Variants in GPATCH2L observed in about 807,000 individuals in gnomAD.
GPATCH2L encodes G-patch domain containing 2 like, also known as G patch domain-containing protein 2-like.
A neutral mutation model predicts 57.4 loss-of-function variants in GPATCH2L; 31 were observed. The observed-to-expected ratio is 0.54, with a 90% CI of 0.41 to 0.73. GPATCH2L has a LOEUF of 0.73. Among genes scored for constraint, GPATCH2L ranks in the 30% least tolerant of loss-of-function variants. The probability of loss-of-function intolerance (pLI) is 0.00; values close to 1 mark genes in which losing one functional copy is unlikely to be tolerated. For missense variants in GPATCH2L, 481 were observed against 599.9 expected (o/e 0.80, Z 2.07); for synonymous variants, 199 against 210.7 (o/e 0.94, Z 0.48).
chr14:76,214,943 G>A (rs1408422570), downstream of GPATCH2L, among the ~76,000 whole-genome samples: 4 of 151,834 alleles, frequency 2.6e-5, no homozygotes, highest in Non-Finnish European at 2.9e-5. Context: ...GGTATATTGC[G>A]TGATGCTGAG....
At chr14:76,197,756 G>A (rs1024284560) in intron 9 of GPATCH2L, among the ~76,000 whole-genome samples, 1 of 152,162 alleles carries the variant, frequency 6.6e-6, no homozygotes, top group African/African-American at 2.4e-5. Context: ...TCACGCTACG[G>A]CATACATCTG....
At chr14:76,226,505 T>A (rs2040537052) in intron 1 of GPATCH2L, among the ~76,000 whole-genome samples, 1 of 152,190 alleles carries the variant, frequency 6.6e-6, no homozygotes. Flanking sequence ...TATGTCTTTG[T>A]TTAGAGGATG....
At chr14:76,181,785 C>T (rs1271274378) in intron 8 of GPATCH2L, among the ~76,000 whole-genome samples, 1 of 152,110 alleles carries the variant, frequency 6.6e-6, no homozygotes, top group Non-Finnish European at 1.5e-5. Flanking sequence ...TAGGCTGGAC[C>T]CTAGAAGTTG....
In GPATCH2L at chr14:76,210,674, GTAT is replaced by G. The variant is rs1566824138; in HGVS notation, c.*8827_*8829del. On this transcript the variant is annotated 3_prime_UTR_variant, in exon 10 of 10. Coordinates refer to ENST00000261530, the MANE Select transcript of GPATCH2L (RefSeq NM_017926.4). ...CTTGCAAACCTGTGGCAATAAGAAG[GTAT>G]TATCCTTTCTGTACCAAGGCACAAC... 1 of 152,192 alleles carries G rather than the reference GTAT, an allele frequency of 6.6e-6. No homozygotes were observed. The highest frequency in any genetic ancestry group is 1.5e-5 in the Non-Finnish European group (1 of 68,038). The allele number at this position is 152,192 out of a possible 1,614,324, so 9.4% of individuals were successfully genotyped here.
chr14:76,155,241 G>A (rs561399628), intron 2 of GPATCH2L, among the ~76,000 whole-genome samples: 2 of 152,232 alleles, frequency 1.3e-5, no homozygotes, highest in East Asian at 1.9e-4. Context: ...AAACACAGTT[G>A]TTTCTAAAAA....
At chr14:76,229,893 C>T (rs1328952477) in exon 2 of GPATCH2L, 1 of 152,380 alleles carries the variant, frequency 6.6e-6, no homozygotes, top group Non-Finnish European at 1.5e-5. Context: ...CAGCTCTGGC[C>T]ACCCTTGCCT....
intron 4 of GPATCH2L, 119 bp downstream of exon 4, chr14:76,172,138 C>G (rs976017256): frequency 5.2e-6 from 3 of 571,986 alleles, no homozygotes; most frequent in Non-Finnish European, 8.7e-6. Flanking sequence ...AATTTTGGAG[C>G]TAGCTCAAGG....
intron 6 of GPATCH2L, among the ~76,000 whole-genome samples, chr14:76,177,464 C>T (rs567197828): frequency 6.6e-6 from 1 of 151,740 alleles, no homozygotes; most frequent in African/African-American, 2.4e-5. Flanking sequence ...ATGGTTGGTT[C>T]TTTCATATAT....
At chr14:76,181,846 T>A (rs898009189) in intron 8 of GPATCH2L, among the ~76,000 whole-genome samples, 3 of 152,032 alleles carry the variant, frequency 2.0e-5, no homozygotes, top group Non-Finnish European at 2.9e-5. Flanking sequence ...TGATGACTCT[T>A]TTTTATTCCT....
At position 76,154,923 on chromosome 14, in the gene GPATCH2L, C is replaced by T; in HGVS notation, c.560C>T (p.Ser187Leu). 1 of 1,614,112 alleles carries T rather than the reference C, an allele frequency of 6.2e-7. No homozygotes were observed. The highest frequency in any genetic ancestry group is 8.5e-7 in the Non-Finnish European group (1 of 1,179,986). The change falls in exon 2 of 10, where the codon TCA (serine) becomes TTA (leucine). Residue 187 changes from serine to leucine, a missense_variant. Physicochemically the swap from Ser to Leu is moderately radical, Grantham distance 145. Transcript: ENST00000261530. The surrounding 1 kb of genome is among the most constrained non-coding windows in gnomAD (Gnocchi z 4.4). ...TCATCAGGCCACGGATTGTGTGAATCAGCAGAAAATAGGACTTTCCTAAGC... is the reference window on the plus strand; with the variant it reads ...TCATCAGGCCACGGATTGTGTGAATTAGCAGAAAATAGGACTTTCCTAAGC... ...WTSSGHGLCESAENRTFLSKT... is the reference protein window; with the variant it reads ...WTSSGHGLCELAENRTFLSKT...
At chr14:76,217,478 C>A (rs1003683337), downstream of GPATCH2L, among the ~76,000 whole-genome samples, 1 of 151,846 alleles carries the variant, frequency 6.6e-6, no homozygotes, top group Non-Finnish European at 1.5e-5. Context: ...GAATGTAAAT[C>A]CACATGGCAA....
intron 6 of GPATCH2L, among the ~76,000 whole-genome samples, chr14:76,177,149 A>G (rs1461308761): frequency 6.6e-6 from 1 of 152,066 alleles, no homozygotes; most frequent in Non-Finnish European, 1.5e-5. Flanking sequence ...AGGCTCAAGC[A>G]ATCCTCCCAC....
At chr14:76,194,961 C>T (rs940898551) in intron 8 of GPATCH2L, among the ~76,000 whole-genome samples, 7 of 152,034 alleles carry the variant, frequency 4.6e-5, no homozygotes, top group African/African-American at 1.7e-4. Flanking sequence ...CTCAAGATCC[C>T]TGTTCTTAAT....
At chr14:76,223,771 A>G (rs931955672) in intron 1 of GPATCH2L, among the ~76,000 whole-genome samples, 1 of 152,190 alleles carries the variant, frequency 6.6e-6, no homozygotes, top group African/African-American at 2.4e-5. Flanking sequence ...AATGGGCAAA[A>G]AGACTCGAGT....
At chr14:76,177,892 T>A (rs1390610448) in intron 6 of GPATCH2L, 96 bp from the exon 7 acceptor site, 7 of 1,583,756 alleles carry the variant, frequency 4.4e-6, no homozygotes, top group Non-Finnish European at 6.1e-6. Context: ...CTCTCTTTAG[T>A]TTCTGGTTAC....
At chr14:76,153,015 T>G (rs1259371567) in intron 1 of GPATCH2L, 1 of 339,440 alleles carries the variant, frequency 2.9e-6, no homozygotes, top group East Asian at 7.8e-5. Context: ...AAGAACTTGG[T>G]CTTGTTTAAA....
intron 5 of GPATCH2L, chr14:76,175,764 CCA>C (rs2039295438): frequency 6.6e-6 from 1 of 152,190 alleles, no homozygotes; most frequent in Non-Finnish European, 1.5e-5. Context: ...TTAGCACGGT[CCA>C]CACACATAGA....
chr14:76,227,014 G>A (rs72729617), intron 1 of GPATCH2L, among the ~76,000 whole-genome samples: 2,960 of 152,282 alleles, frequency 0.019, 63 homozygotes, highest in South Asian at 0.077. Context: ...AGAGCTGAGC[G>A]GAGGGCATGT....
chr14:76,180,836 C>T lies in GPATCH2L; in HGVS notation c.1180C>T (p.His394Tyr). Residue 394 changes from histidine (H) to tyrosine (Y), a missense_variant, in exon 8 of 10, where the codon CAC (histidine) becomes TAC (tyrosine). Physicochemically the swap from His to Tyr is moderately conservative, Grantham distance 83. Transcript: ENST00000261530. ...TTCTCACCGAAGGTGTTCACCAGCA[C>T]ACTGCTCTGCCAGGTAATTGTCTTT... ...DASHRRCSPA[H>Y]CSARQANVHW... 6.2e-7 allele frequency: 1 copy of T among 1,606,576 alleles called. No individual in the cohort carries two copies. The highest frequency in any genetic ancestry group is 8.5e-7 in the Non-Finnish European group (1 of 1,173,062).
Sources: allele counts gnomAD v4.1 joint callset (sites outside exome capture counted in the v4.1 genomes callset), GRCh38; gene constraint gnomAD v4.1.1; non-coding constraint Gnocchi (gnomAD v3.1); transcripts MANE v1.5; gene names NCBI Gene and HGNC (gene_info 2026-07-23, HGNC 2026-07-21).